The following LGR4 variants were observed in gnomAD, a reference collection of about 807,000 sequenced individuals.
LGR4 encodes leucine rich repeat containing G protein-coupled receptor 4, also known as leucine-rich repeat-containing G protein-coupled receptor 4.
In LGR4, 44 loss-of-function variants were observed where a neutral mutation model predicts 84.8. The ratio of observed to expected loss-of-function variants is 0.52; its 90% confidence interval spans 0.41 to 0.67. LGR4 has a LOEUF of 0.67. Ranked by LOEUF, LGR4 falls within the 30% of genes least tolerant of loss-of-function variation. The pLI is 0.00. For missense variants in LGR4, 1,032 were observed against 1,131.4 expected, an observed-to-expected ratio of 0.91 and a Z score of 1.26; for synonymous variants, 429 against 434.3, an observed-to-expected ratio of 0.99 and a Z score of 0.15.
chr11:27,433,647 T>A (rs1306096404), intron 1 of LGR4, among the ~76,000 whole-genome samples: 8 of 152,326 alleles, frequency 5.3e-5, no homozygotes, highest in Non-Finnish European at 1.2e-4. Context: ...GCGGCTGGAA[T>A]TTTTTAAATG....
chr11:27,451,023 A>G (rs961426853), intron 1 of LGR4, among the ~76,000 whole-genome samples: 3 of 152,172 alleles, frequency 2.0e-5, no homozygotes, highest in Admixed American at 2.0e-4. Context: ...AAGGATCTAT[A>G]CTATTTCTAG....
chr11:27,463,223 G>T (rs1864716729), intron 1 of LGR4, among the ~76,000 whole-genome samples: 1 of 152,102 alleles, frequency 6.6e-6, no homozygotes, highest in Non-Finnish European at 1.5e-5. Flanking sequence ...CTGCACTTCA[G>T]CCTGGGTGAC....
intron 1 of LGR4, among the ~76,000 whole-genome samples, chr11:27,439,968 C>T (rs1489177966): frequency 3.4e-5 from 5 of 146,666 alleles, no homozygotes; most frequent in African/African-American, 5.1e-5. Flanking sequence ...TGCAGTGGCA[C>T]GATCTCAGCT....
chr11:27,417,742 G>T (rs1036965314), intron 1 of LGR4, among the ~76,000 whole-genome samples: 1 of 152,058 alleles, frequency 6.6e-6, no homozygotes, highest in Non-Finnish European at 1.5e-5. Context: ...TTTCATTACA[G>T]ATTTTTTTCT....
chr11:27,405,360 A>T (rs1367319301), intron 2 of LGR4, among the ~76,000 whole-genome samples: 1 of 152,044 alleles, frequency 6.6e-6, no homozygotes, highest in Non-Finnish European at 1.5e-5. Context: ...TTTCCCAAGG[A>T]GTTGTCTTTG....
intron 1 of LGR4, among the ~76,000 whole-genome samples, chr11:27,469,863 C>A (rs1864840473): frequency 6.6e-6 from 1 of 152,164 alleles, no homozygotes. Flanking sequence ...GTGATCGCAA[C>A]ATGTCCCATA....
intron 2 of LGR4, among the ~76,000 whole-genome samples, chr11:27,408,670 T>C (rs1863656525): frequency 6.6e-6 from 1 of 152,086 alleles, no homozygotes; most frequent in Non-Finnish European, 1.5e-5. Flanking sequence ...GCTAAGTGAA[T>C]GTTTTCTTAA....
At chr11:27,415,984 G>C (rs1863808965) in intron 1 of LGR4, among the ~76,000 whole-genome samples, 1 of 151,934 alleles carries the variant, frequency 6.6e-6, no homozygotes, top group South Asian at 2.1e-4. Flanking sequence ...AATATATGAG[G>C]CTCAAAAGCC....
chr11:27,464,934 C>T (rs770732093), intron 1 of LGR4, among the ~76,000 whole-genome samples: 1 of 151,640 alleles, frequency 6.6e-6, no homozygotes, highest in Non-Finnish European at 1.5e-5. Context: ...CTAGAAAACA[C>T]AACCAGCTAA....
intron 1 of LGR4, among the ~76,000 whole-genome samples, chr11:27,458,448 A>G (rs2133451609): frequency 6.6e-6 from 1 of 152,290 alleles, no homozygotes; most frequent in East Asian, 1.9e-4. Context: ...AACTCATAGA[A>G]CTGAACATTA....
At chr11:27,414,543 A>C (rs1029453600) in intron 1 of LGR4, among the ~76,000 whole-genome samples, 18 of 152,176 alleles carry the variant, frequency 1.2e-4, no homozygotes, top group Admixed American at 9.8e-4. Flanking sequence ...CATGCACTCT[A>C]AAATGTTATA....
At chr11:27,393,373 C>T (rs1863321028) in intron 2 of LGR4, among the ~76,000 whole-genome samples, 1 of 152,088 alleles carries the variant, frequency 6.6e-6, no homozygotes, top group African/African-American at 2.4e-5. Flanking sequence ...TGATCAAACA[C>T]AGGACTCTCC....
chr11:27,446,079 G>A (rs1056782749), intron 1 of LGR4, among the ~76,000 whole-genome samples: 1 of 152,184 alleles, frequency 6.6e-6, no homozygotes, highest in African/African-American at 2.4e-5. Flanking sequence ...GAACTAAAAA[G>A]ATGCTGAGTG....
At chr11:27,451,519 T>C (rs921617795) in intron 1 of LGR4, among the ~76,000 whole-genome samples, 18 of 152,300 alleles carry the variant, frequency 1.2e-4, no homozygotes, top group African/African-American at 4.3e-4. Context: ...ATCACATCAC[T>C]GGGGTTAACA....
chr11:27,391,154 T>A lies in LGR4; in HGVS notation c.341A>T (p.Asn114Ile). 1 of 1,596,532 alleles carries A rather than the reference T, an allele frequency of 6.3e-7. No homozygotes were observed. Among genetic ancestry groups the A allele is most frequent in the East Asian group, 2.3e-5 (1 of 44,444 alleles). Residue 114 changes from asparagine to isoleucine, a missense_variant, in exon 4 of 18, where the codon AAT becomes ATT. By Grantham distance (149) the Asn-to-Ile change is moderately radical. Coordinates refer to ENST00000379214, the MANE Select transcript of LGR4 (RefSeq NM_018490.5). The part of the protein sequence containing the change: ...LKELKVLTLQ[N>I]NQLKTVPSEA... ...ACTGGGTACTGTTTTCAACTGATTA[T>A]TCTGGAGCGTTCTGAAAGAAAATTT...
rs771309194 is a variant in LGR4 at position 27,392,522 on chromosome 11, G to GAA, written c.258-5_258-4insTT. 14 of 1,320,182 alleles carry GAA rather than the reference G, an allele frequency of 1.1e-5. No homozygotes were observed. The highest frequency in any genetic ancestry group is 9.5e-5 in the South Asian group (5 of 52,432). 81.8% of individuals were successfully genotyped at this position (1,320,182 alleles called of 1,614,324 possible). A position where few individuals can be genotyped will look rare whatever the true frequency, so the allele number is the denominator to read the frequency against. Reference sequence around the variant, plus strand: ...AAGGTCGTTGCCCGCCAATTGTCTAGAGAAAAAAAAAAAAAAAGTAGCAAG... The same window carrying GAA: ...AAGGTCGTTGCCCGCCAATTGTCTAGAAAGAAAAAAAAAAAAAAAGTAGCAAG... On this transcript the variant is annotated splice_region_variant and splice_polypyrimidine_tract_variant and intron_variant, in intron 2 of 17. Transcript: ENST00000379214.
At chr11:27,397,963 G>A (rs1195290618) in intron 2 of LGR4, among the ~76,000 whole-genome samples, 4 of 152,182 alleles carry the variant, frequency 2.6e-5, no homozygotes, top group Admixed American at 6.5e-5. Context: ...CTAGATTTCC[G>A]CTTTCCCACT....
chr11:27,458,473 T>C (rs185326162), intron 1 of LGR4, among the ~76,000 whole-genome samples: 74 of 152,268 alleles, frequency 4.9e-4, no homozygotes, highest in African/African-American at 1.7e-3. Context: ...GGATGACTTT[T>C]AAAATTGAGG....
intron 1 of LGR4, among the ~76,000 whole-genome samples, chr11:27,459,663 G>A: frequency 6.6e-6 from 1 of 151,916 alleles, no homozygotes; most frequent in East Asian, 2.0e-4. Context: ...TTTCAGTAGA[G>A]ACGGGGTTTC....
Sources: allele counts gnomAD v4.1 joint callset (sites outside exome capture counted in the v4.1 genomes callset), GRCh38; gene constraint gnomAD v4.1.1; transcripts MANE v1.5; gene names NCBI Gene and HGNC (gene_info 2026-07-23, HGNC 2026-07-21).